The following FBXW8 variants were observed in gnomAD, a reference collection of about 807,000 sequenced individuals.
FBXW8 encodes the protein F-box and WD repeat domain containing 8.
FBXW8 carries 57 observed loss-of-function variants against 65.3 expected under a neutral mutation model. The ratio of observed to expected loss-of-function variants is 0.87; its 90% confidence interval spans 0.71 to 1.09. The LOEUF is 1.09. Among genes scored for constraint, FBXW8 ranks in the 50% least tolerant of loss-of-function variants. The probability of loss-of-function intolerance (pLI) is 0.00; values close to 1 mark genes in which losing one functional copy is unlikely to be tolerated. For missense variants in FBXW8, 777 were observed against 814.8 expected (o/e 0.95, Z 0.57); for synonymous variants, 308 against 330.2 (o/e 0.93, Z 0.73).
intron 2 of FBXW8, among the ~76,000 whole-genome samples, chr12:116,939,620 CTT>C (rs1454668406): frequency 2.0e-5 from 3 of 152,184 alleles, no homozygotes; most frequent in Non-Finnish European, 4.4e-5. Context: ...CATTTCATGA[CTT>C]TTACAAAATG....
intron 7 of FBXW8, among the ~76,000 whole-genome samples, chr12:116,992,012 A>C (rs923343996): frequency 1.3e-5 from 2 of 152,210 alleles, no homozygotes; most frequent in Non-Finnish European, 2.9e-5. Flanking sequence ...TTCATCCCAA[A>C]TACTGAGCTC....
intron 7 of FBXW8, among the ~76,000 whole-genome samples, chr12:117,006,549 T>C (rs1359991573): frequency 2.6e-5 from 4 of 152,380 alleles, no homozygotes; most frequent in African/African-American, 9.6e-5. Flanking sequence ...TTGTTGGGCC[T>C]GTAGCTGGTG....
chr12:117,017,434 CTTAGGCTAGCT>C (rs2135717428), intron 8 of FBXW8, among the ~76,000 whole-genome samples: 1 of 152,264 alleles, frequency 6.6e-6, no homozygotes, highest in African/African-American at 2.4e-5. Context: ...GAGCACTAAG[CTTAGGCTAGCT>C]GCATTAAACT....
chr12:117,026,663 T>C (rs1048408763), intron 9 of FBXW8, among the ~76,000 whole-genome samples: 2 of 152,166 alleles, frequency 1.3e-5, no homozygotes, highest in African/African-American at 4.8e-5. Context: ...CACACATTCT[T>C]TGTAGCTTGT....
chr12:117,027,634 T>C (rs1226775284), intron 10 of FBXW8, 130 bp downstream of exon 10: 3 of 747,870 alleles, frequency 4.0e-6, no homozygotes, highest in Non-Finnish European at 6.9e-6. Flanking sequence ...TTTCTGCGAA[T>C]TGGAAACATA....
intron 8 of FBXW8, among the ~76,000 whole-genome samples, chr12:117,018,577 C>A (rs1193214677): frequency 6.7e-6 from 1 of 149,768 alleles, no homozygotes; most frequent in African/African-American, 2.5e-5. Flanking sequence ...ACTTAGCACA[C>A]TGTGCTGTCT....
At chr12:116,972,043 C>T (rs988112744) in intron 5 of FBXW8, among the ~76,000 whole-genome samples, 1 of 152,148 alleles carries the variant, frequency 6.6e-6, no homozygotes, top group African/African-American at 2.4e-5. Flanking sequence ...AATATTTTTT[C>T]TCCTGTAGAA....
intron 5 of FBXW8, chr12:116,978,486 G>A (rs1885100808): frequency 1.3e-5 from 2 of 152,194 alleles, no homozygotes; most frequent in South Asian, 4.1e-4. Flanking sequence ...ATAGGCAAGT[G>A]TTTATTTACA....
At chr12:116,940,523 TA>T (rs111953115) in intron 2 of FBXW8, among the ~76,000 whole-genome samples, 6,747 of 143,746 alleles carry the variant, frequency 0.047, 372 homozygotes, top group African/African-American at 0.13. Flanking sequence ...AGTTTGTGTT[TA>T]AAAAAAAAAA....
chr12:116,929,868 A>T (rs886984504), intron 2 of FBXW8, among the ~76,000 whole-genome samples: 1 of 152,148 alleles, frequency 6.6e-6, no homozygotes, highest in Admixed American at 6.5e-5. Context: ...GGTAACCGCC[A>T]TTCTACTCTC....
chr12:116,945,376 TG>T lies in FBXW8; in HGVS notation c.438del (p.Trp146Ter). Reference sequence around the variant, plus strand: ...TCTGCTGTTTTAGGTGAGCAAGACGTGGAAGGTGATTGCAGAGGATGAGGTG... The same window carrying T: ...TCTGCTGTTTTAGGTGAGCAAGACGTGAAGGTGATTGCAGAGGATGAGGTG... The part of the protein sequence containing the change: ...LGRCAQVSKT[W>X]KVIAEDEVLW... On this transcript the variant is annotated frameshift_variant, in exon 3 of 11. Coordinates refer to ENST00000652555, the MANE Select transcript of FBXW8 (RefSeq NM_153348.3). LOFTEE classifies it high-confidence loss of function. 2 of 1,612,660 alleles carry T rather than the reference TG, an allele frequency of 1.2e-6. No homozygotes were observed. The highest frequency in any genetic ancestry group is 1.7e-6 in the Non-Finnish European group (2 of 1,179,244).
At chr12:116,994,228 T>A (rs1445271582) in intron 7 of FBXW8, among the ~76,000 whole-genome samples, 1 of 152,104 alleles carries the variant, frequency 6.6e-6, no homozygotes, top group African/African-American at 2.4e-5. Flanking sequence ...ATGGTACTGG[T>A]GTAAAAGTAC....
intron 2 of FBXW8, among the ~76,000 whole-genome samples, chr12:116,940,523 T>A (rs575943505): frequency 2.8e-4 from 40 of 143,876 alleles, no homozygotes; most frequent in Non-Finnish European, 5.3e-4. Context: ...AGTTTGTGTT[T>A]AAAAAAAAAA....
intron 8 of FBXW8, among the ~76,000 whole-genome samples, chr12:117,013,343 C>A (rs117778743): frequency 1.3e-5 from 2 of 152,092 alleles, no homozygotes; most frequent in Non-Finnish European, 2.9e-5. Context: ...GCTTTTCCCT[C>A]GCTGGGAGGG....
chr12:117,001,135 G>A lies in FBXW8; in HGVS notation c.1240-9188G>A, dbSNP rs569525702. Among the ~76,000 whole-genome samples, 21 of 152,332 alleles carry A rather than the reference G, an allele frequency of 1.4e-4. 1 individual carries two copies. The highest frequency in any genetic ancestry group is 4.6e-4 in the African/African-American group (19 of 41,586). On this transcript the variant is annotated intron_variant, in intron 7 of 10. Transcript: ENST00000652555. ...CCTGGGTATTACAAAGAGCTCATAT[G>A]TGTAGTGTTTGTTTATGTGCAAAAT...
At chr12:117,025,367 C>T (rs1954198499) in intron 9 of FBXW8, among the ~76,000 whole-genome samples, 1 of 152,224 alleles carries the variant, frequency 6.6e-6, no homozygotes, top group Non-Finnish European at 1.5e-5. Flanking sequence ...CCAGTGGCCT[C>T]TGAGCATGAC....
intron 10 of FBXW8, 95 bp from the exon 11 acceptor site, chr12:117,027,933 G>A: frequency 6.6e-7 from 1 of 1,522,744 alleles, no homozygotes; most frequent in East Asian, 2.3e-5. Flanking sequence ...ACCTCTATCT[G>A]GTCTCAGGCG....
intron 2 of FBXW8, among the ~76,000 whole-genome samples, chr12:116,934,337 G>A (rs1593055065): frequency 1.3e-5 from 2 of 152,234 alleles, no homozygotes; most frequent in East Asian, 1.9e-4. Flanking sequence ...GTTTCTTGCC[G>A]AAACATCTTG....
chr12:116,943,453 T>G (rs1051102781), intron 2 of FBXW8, among the ~76,000 whole-genome samples: 1 of 152,240 alleles, frequency 6.6e-6, no homozygotes, highest in African/African-American at 2.4e-5. Flanking sequence ...GTGCACCTCC[T>G]GAAGTCTCTG....
Sources: gnomAD v4.1 joint callset for allele counts (sites outside exome capture counted in the v4.1 genomes callset) on GRCh38, gnomAD v4.1.1 for gene constraint, MANE v1.5 for transcripts, NCBI Gene and HGNC (gene_info 2026-07-23, HGNC 2026-07-21) for gene names.